ZBED6: variants seen among roughly 807,000 people sequenced by gnomAD.
ZBED6 encodes the protein zinc finger BED domain-containing protein 6.
ZBED6 carries 40 observed loss-of-function variants against 58.4 expected under a neutral mutation model. The ratio of observed to expected loss-of-function variants is 0.68; its 90% CI spans 0.53 to 0.89. The LOEUF is 0.89. Ranked by LOEUF, ZBED6 falls within the 40% of genes least tolerant of loss-of-function variation. ZBED6 has a pLI of 0.00. For synonymous variants in ZBED6, 439 were observed against 350.6 expected, an observed-to-expected ratio of 1.25 and a Z score of -2.82; for missense variants, 1,057 against 1,003.9, an observed-to-expected ratio of 1.05 and a Z score of -0.71.
chr1:203,833,758 A>G (rs1463680518), intron 8 of ZBED6, 33 bp from the exon 9 acceptor site: 1 of 1,592,000 alleles, frequency 6.3e-7, no homozygotes, highest in Non-Finnish European at 8.5e-7. Context: ...AAAATTGACT[A>G]AGGATAGAGA....
chr1:203,819,520 C>T (rs926017801), intron 3 of ZBED6, among the ~76,000 whole-genome samples: 2 of 126,582 alleles, frequency 1.6e-5, no homozygotes, highest in East Asian at 4.6e-4. Context: ...CCGTGCCCAG[C>T]TGACTCCAAT....
At chr1:203,809,827 G>A (rs1281311019) in intron 1 of ZBED6, among the ~76,000 whole-genome samples, 3 of 152,108 alleles carry the variant, frequency 2.0e-5, no homozygotes, top group Non-Finnish European at 2.9e-5. Context: ...GGTGGCAGGC[G>A]CCTGTAATTC....
intron 9 of ZBED6, among the ~76,000 whole-genome samples, chr1:203,834,628 C>A (rs1683631286): frequency 6.6e-6 from 1 of 151,902 alleles, no homozygotes; most frequent in Admixed American, 6.6e-5. Flanking sequence ...GTATAACTAC[C>A]CTAACGTGTC....
chr1:203,797,500 C>A lies in ZBED6; in HGVS notation c.-23C>A. ...ATAAACCCACTAACAGATTCTGGTA[C>A]GAATTGTGGAGACATAAAGAGAATG... On this transcript the variant is annotated 5_prime_UTR_variant, in exon 1 of 17. The change creates a premature stop within an existing upstream ORF in the 5' untranslated region. Transcript: ENST00000550078. 1 of 1,465,034 alleles carries A rather than the reference C, an allele frequency of 6.8e-7. No individual in the cohort carries two copies. 90.8% of individuals were successfully genotyped at this position (1,465,034 alleles called of 1,614,324 possible).
At chr1:203,798,547 T>C (rs1212728818) in exon 1 of ZBED6, 65 of 1,536,146 alleles carry the variant, frequency 4.2e-5, no homozygotes, top group Non-Finnish European at 5.7e-5. Flanking sequence ...AGAAGTGATC[T>C]CTTGAGTGAT....
chr1:203,796,166 A>G (rs1226091999), exon 1 of ZBED6: 1 of 343,252 alleles, frequency 2.9e-6, no homozygotes. Flanking sequence ...CCGAATCCCG[A>G]AGAGAGAACT....
exon 1 of ZBED6, chr1:203,798,057 A>T: frequency 6.5e-7 from 1 of 1,535,768 alleles, no homozygotes; most frequent in Non-Finnish European, 8.7e-7. Flanking sequence ...TCTGCAAGCA[A>T]GGCATTCACC....
exon 1 of ZBED6, chr1:203,800,582 A>G: frequency 1.2e-6 from 1 of 869,084 alleles, no homozygotes; most frequent in Non-Finnish European, 1.6e-6. Context: ...GAAATCACAC[A>G]AGGGCTGAAA....
At position 203,850,994 on chromosome 1, in the gene ZBED6, A is replaced by C. The variant is rs1689109680; in HGVS notation, c.*4806-63A>C. ...CAATTCTAAGAAGGCAGCAAAAGAA[A>C]ATGAATATGCTCAAATTAAAAAGCC... is the stretch of plus-strand genomic sequence containing the variant. On this transcript the variant is annotated intron_variant, in intron 15 of 16. Transcript: ENST00000550078. 1.9e-6 allele frequency: 3 copies of C among 1,568,688 alleles called. No individual in the cohort carries two copies. In the Admixed American group the frequency reaches 5.4e-5, roughly 28 times the overall value.
At chr1:203,842,382 C>T (rs971087661) in intron 11 of ZBED6, among the ~76,000 whole-genome samples, 16 of 152,296 alleles carry the variant, frequency 1.1e-4, no homozygotes, top group East Asian at 3.9e-4. Flanking sequence ...AGATCACTCG[C>T]GGTCAGGAGC....
At chr1:203,828,445 A>G (rs1681252670) in intron 4 of ZBED6, 23 bp downstream of exon 4, 7 of 1,582,624 alleles carry the variant, frequency 4.4e-6, no homozygotes, top group Non-Finnish European at 6.0e-6. Flanking sequence ...TTTAATTTTA[A>G]AAGAATATCA....
exon 1 of ZBED6, chr1:203,797,570 C>A (rs1180959279): frequency 1.6e-5 from 24 of 1,531,422 alleles, no homozygotes; most frequent in Non-Finnish European, 1.9e-5. Context: ...TCTCTCCTGG[C>A]AGAAGATGCA....
chr1:203,850,359 A>C (rs1368510972), intron 14 of ZBED6, 156 bp from the exon 15 acceptor site: 1 of 1,107,828 alleles, frequency 9.0e-7, no homozygotes, highest in African/African-American at 1.5e-5. Context: ...CCACCATGTG[A>C]CCACAAATTG....
chr1:203,798,819 T>A, exon 1 of ZBED6: 1 of 1,536,152 alleles, frequency 6.5e-7, no homozygotes, highest in Non-Finnish European at 8.7e-7. Flanking sequence ...AACCCCAGCC[T>A]TTCAGAGGTT....
At chr1:203,843,574 C>T (rs146921242) in intron 11 of ZBED6, among the ~76,000 whole-genome samples, 221 of 152,294 alleles carry the variant, frequency 1.5e-3, no homozygotes, top group African/African-American at 5.1e-3. Context: ...AGTATTGCAG[C>T]TACCCCACTC....
At chr1:203,803,721 G>A (rs570519274) in intron 1 of ZBED6, among the ~76,000 whole-genome samples, 92 of 152,010 alleles carry the variant, frequency 6.1e-4, no homozygotes, top group African/African-American at 2.2e-3. Flanking sequence ...TCCTATTGCC[G>A]AAGCCTCCTG....
exon 1 of ZBED6, chr1:203,798,741 T>C: frequency 2.0e-6 from 3 of 1,536,130 alleles, no homozygotes; most frequent in Non-Finnish European, 2.6e-6. Context: ...AAATCCAGTC[T>C]CAAGTCACAT....
intron 13 of ZBED6, 112 bp from the exon 14 acceptor site, chr1:203,849,599 A>T: frequency 9.8e-7 from 1 of 1,023,482 alleles, no homozygotes. Flanking sequence ...CTTTTCTCTC[A>T]GATTCTGGAT....
At chr1:203,818,440 A>G (rs989406419) in intron 2 of ZBED6, 130 bp from the exon 3 acceptor site, 19 of 1,231,238 alleles carry the variant, frequency 1.5e-5, no homozygotes, top group Admixed American at 4.8e-5. Flanking sequence ...TTCCATGTCC[A>G]TTGTTTTTTA....
Sources: allele counts gnomAD v4.1 joint callset (sites outside exome capture counted in the v4.1 genomes callset), GRCh38; gene constraint gnomAD v4.1.1; transcripts MANE v1.5; gene names NCBI Gene and HGNC (gene_info 2026-07-23, HGNC 2026-07-21).